The following RNF145 variants were observed in gnomAD, a reference collection of about 807,000 sequenced individuals.
The protein encoded by RNF145 is ring finger protein 145.
A neutral mutation model predicts 57.3 loss-of-function variants in RNF145; 12 were observed. The ratio of observed to expected loss-of-function variants is 0.21; its 90% CI spans 0.13 to 0.34. The LOEUF is 0.34. Ranked by LOEUF, RNF145 falls within the 10% of genes least tolerant of loss-of-function variation. The pLI is 1.00. For synonymous variants in RNF145, 262 were observed against 288.3 expected, an observed-to-expected ratio of 0.91 and a Z score of 0.92; for missense variants, 429 against 799.0, an observed-to-expected ratio of 0.54 and a Z score of 5.58.
chr5:159,202,534 G>A (rs1393602153), intron 2 of RNF145, among the ~76,000 whole-genome samples: 4 of 152,074 alleles, frequency 2.6e-5, no homozygotes, highest in Admixed American at 6.5e-5. Context: ...AGGGATGTAA[G>A]GGGAACGTTC....
rs552690171 is a variant in RNF145, at chr5:159,165,725, A to T, written c.1122-2646T>A. Among the ~76,000 whole-genome samples, 103 of 6,508 alleles carry T rather than the reference A, an allele frequency of 0.016. 38 individuals are homozygous for T. In the African/African-American group the frequency reaches 0.34, roughly 21 times the overall value. The allele number at this position is 6,508 out of a possible 152,430, so 4.3% of individuals were successfully genotyped here. ...AAAAAAAAAAAAAAAAAAAAAAAAAAAAAAAAAATAATAATATCCTACATT... is the reference window on the plus strand; with the variant it reads ...AAAAAAAAAAAAAAAAAAAAAAAAATAAAAAAAATAATAATATCCTACATT... On this transcript the variant is annotated intron_variant, in intron 8 of 10. Transcript: ENST00000424310.
intron 8 of RNF145, among the ~76,000 whole-genome samples, chr5:159,166,756 A>T (rs139383993): frequency 2.0e-5 from 3 of 152,274 alleles, no homozygotes; most frequent in African/African-American, 7.2e-5. Context: ...TGTCTGGTTT[A>T]TTTCAATATT....
chr5:159,189,729 G>A (rs1396041242), intron 3 of RNF145, among the ~76,000 whole-genome samples: 1 of 152,202 alleles, frequency 6.6e-6, no homozygotes, highest in Admixed American at 6.5e-5. Context: ...TAAACAAAAT[G>A]TGACATACAT....
At chr5:159,188,606 C>T (rs879514177) in intron 3 of RNF145, among the ~76,000 whole-genome samples, 6 of 152,220 alleles carry the variant, frequency 3.9e-5, no homozygotes, top group African/African-American at 7.2e-5. Flanking sequence ...TCCCTCAAAA[C>T]GCCAAGGAAG....
chr5:159,164,500 TACA>T (rs1784330967), intron 8 of RNF145, among the ~76,000 whole-genome samples: 1 of 152,158 alleles, frequency 6.6e-6, no homozygotes, highest in Non-Finnish European at 1.5e-5. Context: ...GAAATGTATA[TACA>T]ACAATGTTAT....
rs181170910 is a variant in RNF145, at chr5:159,172,085, G to A, written c.797+1898C>T. 3.3e-5 allele frequency among the ~76,000 whole-genome samples: 5 copies of A among 152,236 alleles called. 1 individual carries two copies. Among genetic ancestry groups the A allele is most frequent in the Admixed American group, 2.0e-4 (3 of 15,294 alleles). ...ACCTCATCTTACTGTGCTTTGCAGC[G>A]GGTAACAATCTGGTTTAAAGCACCA... On this transcript the variant is annotated intron_variant, in intron 6 of 10. Transcript: ENST00000424310.
intron 3 of RNF145, among the ~76,000 whole-genome samples, chr5:159,192,825 T>C (rs1785331750): frequency 6.6e-6 from 1 of 152,194 alleles, no homozygotes; most frequent in African/African-American, 2.4e-5. Context: ...CATCCATCTA[T>C]CGAAAAATAA....
Position 159,196,973 on chromosome 5 carries a change from T to C in RNF145, c.185-2149A>G, listed in dbSNP as rs148893732. ...ATATTCATTTCATCCATTCCTTCAA[T>C]TATCCAGTCATTCAATCAACATTAT... On this transcript the variant is annotated intron_variant, in intron 2 of 10. Coordinates refer to ENST00000424310, the MANE Select transcript of RNF145 (RefSeq NM_001199383.2). Among the ~76,000 whole-genome samples the C allele has an allele frequency of 5.5e-3, 837 of 152,346 alleles. 7 individuals carry two copies. The highest frequency in any genetic ancestry group is 0.019 in the African/African-American group (804 of 41,584).
intron 10 of RNF145, among the ~76,000 whole-genome samples, chr5:159,160,132 C>A (rs1274476776): frequency 1.3e-5 from 2 of 152,072 alleles, no homozygotes; most frequent in Non-Finnish European, 2.9e-5. Context: ...GGTGCTCCGA[C>A]TCTGTTTTTG....
chr5:159,199,379 GA>G (rs1344183171), intron 2 of RNF145, among the ~76,000 whole-genome samples: 1 of 74,168 alleles, frequency 1.3e-5, no homozygotes, highest in African/African-American at 8.3e-5. Context: ...GGAGTTAGGA[GA>G]AAAATCAGGA....
At chr5:159,195,398 T>C (rs1785425392) in intron 2 of RNF145, among the ~76,000 whole-genome samples, 1 of 152,204 alleles carries the variant, frequency 6.6e-6, no homozygotes, top group African/African-American at 2.4e-5. Context: ...CACTGTCAAA[T>C]GTTTGAAAAG....
At chr5:159,186,939 C>A (rs1480173151) in intron 3 of RNF145, among the ~76,000 whole-genome samples, 1 of 151,782 alleles carries the variant, frequency 6.6e-6, no homozygotes, top group Non-Finnish European at 1.5e-5. Flanking sequence ...GCCAAGATTG[C>A]ACCATTGCAC....
chr5:159,184,649 T>C (rs940905367), intron 3 of RNF145, among the ~76,000 whole-genome samples: 5 of 152,200 alleles, frequency 3.3e-5, no homozygotes, highest in Admixed American at 6.5e-5. Context: ...GGTTCTAACT[T>C]TTTCATTTAA....
chr5:159,195,585 A>G (rs761960021), intron 2 of RNF145, among the ~76,000 whole-genome samples: 2 of 152,204 alleles, frequency 1.3e-5, no homozygotes, highest in African/African-American at 2.4e-5. Context: ...GGCAACGACC[A>G]TCAAAACGTT....
chr5:159,176,896 T>C, intron 4 of RNF145, 29 bp from the exon 5 acceptor site: 1 of 1,338,468 alleles, frequency 7.5e-7, no homozygotes, highest in Non-Finnish European at 1.0e-6. Context: ...TACATTTAAT[T>C]TTGAGTATTT....
chr5:159,178,628 C>CA (rs1240511780), intron 4 of RNF145, among the ~76,000 whole-genome samples: 1 of 151,868 alleles, frequency 6.6e-6, no homozygotes, highest in Non-Finnish European at 1.5e-5. Context: ...ATTCCTAATC[C>CA]AAAAATCTAA....
chr5:159,190,302 G>A (rs559267769), intron 3 of RNF145, among the ~76,000 whole-genome samples: 1 of 152,028 alleles, frequency 6.6e-6, no homozygotes, highest in African/African-American at 2.4e-5. Flanking sequence ...CCAAAATGCT[G>A]GGATTACAAG....
intron 6 of RNF145, among the ~76,000 whole-genome samples, chr5:159,173,591 G>C (rs1434270441): frequency 6.6e-6 from 1 of 152,060 alleles, no homozygotes; most frequent in Non-Finnish European, 1.5e-5. Context: ...CTATCTCTTA[G>C]GGTCGTTGTA....
chr5:159,190,312 G>T (rs1031578049), intron 3 of RNF145, among the ~76,000 whole-genome samples: 1 of 152,092 alleles, frequency 6.6e-6, no homozygotes, highest in Non-Finnish European at 1.5e-5. Flanking sequence ...GGGATTACAA[G>T]TGTGAGCCAC....
Sources: allele counts gnomAD v4.1 joint callset (sites outside exome capture counted in the v4.1 genomes callset), GRCh38; gene constraint gnomAD v4.1.1; transcripts MANE v1.5; gene names NCBI Gene and HGNC (gene_info 2026-07-23, HGNC 2026-07-21).